The following SEMA6D variants were observed in gnomAD, a reference collection of about 807,000 sequenced individuals.
The protein encoded by SEMA6D is semaphorin 6D.
Under a neutral mutation model 106.6 loss-of-function variants are expected in SEMA6D, and 35 were observed. The ratio of observed to expected loss-of-function variants is 0.33; its 90% CI spans 0.25 to 0.44. The LOEUF is 0.44. SEMA6D is among the 20% of genes least tolerant of loss of function. The pLI is 1.00. For missense variants in SEMA6D, 1,185 were observed against 1,345.9 expected (o/e 0.88, Z 1.87); for synonymous variants, 499 against 487.7 (o/e 1.02, Z -0.31).
At chr15:47,197,271 C>G (rs1291185544) in intron 1 of SEMA6D, among the ~76,000 whole-genome samples, 1 of 152,156 alleles carries the variant, frequency 6.6e-6, no homozygotes, top group African/African-American at 2.4e-5. Flanking sequence ...AGGTTATCTT[C>G]CAGATGTTTA....
intron 1 of SEMA6D, among the ~76,000 whole-genome samples, chr15:47,230,977 T>C (rs2032151880): frequency 6.6e-6 from 1 of 152,014 alleles, no homozygotes; most frequent in Admixed American, 6.6e-5. Flanking sequence ...TCTGTTTTAC[T>C]TTTTACCCCC....
chr15:47,322,279 ATT>A (rs200999593), intron 1 of SEMA6D, among the ~76,000 whole-genome samples: 66 of 138,770 alleles, frequency 4.8e-4, no homozygotes, highest in Non-Finnish European at 4.1e-4. Context: ...TTCACTAGTT[ATT>A]TTTTTTTTTT....
At chr15:47,200,111 G>T (rs550359620) in intron 1 of SEMA6D, among the ~76,000 whole-genome samples, 1 of 152,188 alleles carries the variant, frequency 6.6e-6, no homozygotes, top group African/African-American at 2.4e-5. Flanking sequence ...CAAACCAAAA[G>T]CAAGATTACT....
At chr15:47,356,874 A>G (rs1236488446) in intron 1 of SEMA6D, among the ~76,000 whole-genome samples, 1 of 152,190 alleles carries the variant, frequency 6.6e-6, no homozygotes, top group Non-Finnish European at 1.5e-5. Context: ...CATGTATAAA[A>G]CAGACCCAAA....
intron 3 of SEMA6D, among the ~76,000 whole-genome samples, chr15:47,561,153 TCA>T (rs1219358846): frequency 6.6e-6 from 1 of 151,878 alleles, no homozygotes; most frequent in African/African-American, 2.4e-5. Context: ...TCAATGAATC[TCA>T]CACAGAAATA....
chr15:47,416,530 A>T (rs1291764970), intron 2 of SEMA6D, among the ~76,000 whole-genome samples: 1 of 152,204 alleles, frequency 6.6e-6, no homozygotes, highest in African/African-American at 2.4e-5. Context: ...TCATCATAGC[A>T]GATCATACTA....
At chr15:47,414,063 T>A (rs1239148267) in intron 2 of SEMA6D, among the ~76,000 whole-genome samples, 1 of 152,198 alleles carries the variant, frequency 6.6e-6, no homozygotes, top group Non-Finnish European at 1.5e-5. Flanking sequence ...CAAAATCTAT[T>A]TATGGAACAA....
chr15:47,716,805 T>C (rs2079126994), upstream of SEMA6D, among the ~76,000 whole-genome samples: 1 of 152,000 alleles, frequency 6.6e-6, no homozygotes, highest in Non-Finnish European at 1.5e-5. Flanking sequence ...CTGTACAGAA[T>C]GGCTTTCATT....
At chr15:47,270,222 T>C (rs2034498207) in intron 1 of SEMA6D, among the ~76,000 whole-genome samples, 1 of 149,128 alleles carries the variant, frequency 6.7e-6, no homozygotes, top group Non-Finnish European at 1.5e-5. Flanking sequence ...TGTATATATG[T>C]ATTTGATTTT....
chr15:47,760,832 G>A lies in SEMA6D; in HGVS notation c.222-146G>A, dbSNP rs1287992211. The A allele has an allele frequency of 8.4e-6, 6 of 712,678 alleles. No homozygotes were observed. The East Asian group carries it at 1.6e-4, about 19-fold the overall frequency. 44.1% of individuals were successfully genotyped at this position (712,678 alleles called of 1,614,324 possible). On this transcript the variant is annotated intron_variant, in intron 3 of 18. Coordinates refer to ENST00000536845, the MANE Select transcript of SEMA6D (RefSeq NM_001358351.3). ...ATAAAAGCATCTCACTAATGAAAAA[G>A]TACTCTTTGTTGACTTTGTTTGAGA... is the stretch of plus-strand genomic sequence containing the variant.
At position 47,771,056 on chromosome 15, in the gene SEMA6D, A is replaced by T. The variant is rs769597480; in HGVS notation, c.2493A>T (p.Pro831=). The change falls in exon 19 of 19, where the codon CCA becomes CCT. Residue 831 remains proline, a synonymous_variant. Coordinates refer to ENST00000536845, the MANE Select transcript of SEMA6D (RefSeq NM_001358351.3). ...ATATCCCCAGTGCCATTGTTCTTCC[A>T]AATGCTACCCATGACTACAACACGT... ...HGHIPSAIVL[P]NATHDYNTSF... 6.2e-7 allele frequency: 1 copy of T among 1,614,144 alleles called. No individual in the cohort carries two copies. The highest frequency in any genetic ancestry group is 2.2e-5 in the East Asian group (1 of 44,860).
intron 1 of SEMA6D, among the ~76,000 whole-genome samples, chr15:47,208,081 G>A (rs1280078720): frequency 6.7e-6 from 1 of 149,948 alleles, no homozygotes; most frequent in Admixed American, 6.7e-5. Flanking sequence ...TTCAGCTGTG[G>A]AGTCAGATTA....
Position 47,749,084 on chromosome 15 carries a change from T to C in SEMA6D, c.-54-10661T>C, listed in dbSNP as rs866145804. 3.6e-3 allele frequency among the ~76,000 whole-genome samples: 534 copies of C among 148,754 alleles called. 3 individuals are homozygous for C. The highest frequency in any genetic ancestry group is 0.013 in the African/African-American group (510 of 40,652). On this transcript the variant is annotated intron_variant, in intron 1 of 18. Transcript: ENST00000536845. ...TAGTTGTAAATCTTTTTTTTTCTTT[T>C]TTTTTTTTTTTTTGGAGATACAGTT...
chr15:47,765,117 A>G, intron 13 of SEMA6D, 61 bp downstream of exon 13: 1 of 1,584,382 alleles, frequency 6.3e-7, no homozygotes, highest in East Asian at 2.3e-5. Context: ...CATGTATTTC[A>G]TCTAGTCATG....
At chr15:47,726,163 G>A (rs1375507682) in intron 1 of SEMA6D, among the ~76,000 whole-genome samples, 1 of 152,228 alleles carries the variant, frequency 6.6e-6, no homozygotes, top group Non-Finnish European at 1.5e-5. Flanking sequence ...AAATAAACTG[G>A]CCTGGTTCAA....
intron 3 of SEMA6D, among the ~76,000 whole-genome samples, chr15:47,532,502 C>G (rs16959668): frequency 0.018 from 2,676 of 152,274 alleles, 87 homozygotes; most frequent in African/African-American, 0.062. Context: ...ATCGCTTTGG[C>G]TTACATTAAG....
chr15:47,548,367 C>G (rs573701020), intron 3 of SEMA6D, among the ~76,000 whole-genome samples: 24 of 152,278 alleles, frequency 1.6e-4, no homozygotes, highest in African/African-American at 5.5e-4. Flanking sequence ...TTGCACCTGC[C>G]AGAAACACCT....
chr15:47,698,822 T>C (rs1334761969), intron 4 of SEMA6D, among the ~76,000 whole-genome samples: 2 of 152,112 alleles, frequency 1.3e-5, no homozygotes, highest in Non-Finnish European at 2.9e-5. Flanking sequence ...GTTGCCACAA[T>C]ATACTATACT....
intron 1 of SEMA6D, among the ~76,000 whole-genome samples, chr15:47,755,987 C>T (rs545326081): frequency 2.0e-4 from 31 of 152,090 alleles, no homozygotes; most frequent in South Asian, 1.2e-3. Flanking sequence ...CTGTCACTCA[C>T]GCCCTGGTTG....
Sources: allele counts gnomAD v4.1 joint callset (sites outside exome capture counted in the v4.1 genomes callset), GRCh38; gene constraint gnomAD v4.1.1; transcripts MANE v1.5; gene names NCBI Gene and HGNC (gene_info 2026-07-23, HGNC 2026-07-21).